ADRA1B: variants seen among roughly 807,000 people sequenced by gnomAD.
ADRA1B encodes the protein alpha-1B adrenergic receptor.
ADRA1B carries 17 observed loss-of-function variants against 17.9 expected under a neutral mutation model. That is an observed-to-expected ratio of 0.95 (90% CI 0.65 to 1.42). The LOEUF is 1.42. Among genes scored for constraint, ADRA1B ranks in the 40% most tolerant of loss-of-function variants. ADRA1B has a pLI of 0.00. For synonymous variants in ADRA1B, 366 were observed against 327.6 expected (o/e 1.12, Z -1.27); for missense variants, 681 against 722.1 (o/e 0.94, Z 0.65).
Position 159,873,378 on chromosome 5 carries a change from A to C in ADRA1B, c.-256+8172A>C, listed in dbSNP as rs143938635. Among the ~76,000 whole-genome samples, 764 of 152,300 alleles carry C rather than the reference A, an allele frequency of 5.0e-3. 13 individuals are homozygous for C. The highest frequency in any genetic ancestry group is 0.045 in the East Asian group (231 of 5,176). On this transcript the variant is annotated intron_variant, in intron 1 of 2. Transcript: ENST00000641205. ...CACTGAGTCCGCTGCTGCAAGTGCCATCAGCAGACACTCCAGCTGTCAGCA... is the reference window on the plus strand; with the variant it reads ...CACTGAGTCCGCTGCTGCAAGTGCCCTCAGCAGACACTCCAGCTGTCAGCA...
intron 1 of ADRA1B, among the ~76,000 whole-genome samples, chr5:159,927,583 T>G (rs2113188651): frequency 6.6e-6 from 1 of 152,310 alleles, no homozygotes; most frequent in South Asian, 2.1e-4. Flanking sequence ...GGGTAATATA[T>G]CACTGTTTTC....
At chr5:159,891,596 C>G (rs1309990586) in intron 1 of ADRA1B, among the ~76,000 whole-genome samples, 1 of 152,090 alleles carries the variant, frequency 6.6e-6, no homozygotes, top group Admixed American at 6.5e-5. Context: ...AGGAGCTGGA[C>G]GACTTGGAGG....
At chr5:159,898,527 T>C (rs1340550180) in intron 1 of ADRA1B, among the ~76,000 whole-genome samples, 2 of 152,248 alleles carry the variant, frequency 1.3e-5, no homozygotes, top group African/African-American at 4.8e-5. Context: ...CATTAGAGGC[T>C]GTTAGCAAAA....
intron 1 of ADRA1B, among the ~76,000 whole-genome samples, chr5:159,909,151 CA>C (rs1237653730): frequency 1.3e-5 from 2 of 152,162 alleles, no homozygotes; most frequent in African/African-American, 4.8e-5. Context: ...TGAAGATGGG[CA>C]AAGGAAACTG....
At chr5:159,900,430 T>C (rs1208024617) in intron 1 of ADRA1B, among the ~76,000 whole-genome samples, 1 of 152,266 alleles carries the variant, frequency 6.6e-6, no homozygotes, top group Non-Finnish European at 1.5e-5. Flanking sequence ...ATATAGGTCT[T>C]GTACGTTCCT....
chr5:159,938,906 G>A (rs1219658673), intron 1 of ADRA1B, among the ~76,000 whole-genome samples: 1 of 152,130 alleles, frequency 6.6e-6, no homozygotes. Flanking sequence ...ATCTAAATTT[G>A]GGGGCAGCCA....
rs568891849 is a variant in ADRA1B, at chr5:159,954,342, G to A, written c.950-17537G>A. On this transcript the variant is annotated intron_variant, in intron 1 of 1. Coordinates refer to ENST00000306675, the MANE Select transcript of ADRA1B (RefSeq NM_000679.4). Reference sequence around the variant, plus strand: ...TTGCAGACAGATGCCTTCCTGTTGTGGCCTTACATGGGATAAAGATGGGGA... The same window carrying A: ...TTGCAGACAGATGCCTTCCTGTTGTAGCCTTACATGGGATAAAGATGGGGA... 2.3e-3 allele frequency among the ~76,000 whole-genome samples: 354 copies of A among 152,232 alleles called. 3 individuals carry two copies. Among genetic ancestry groups the A allele is most frequent in the African/African-American group, 8.3e-3 (343 of 41,524 alleles).
the ADRA1B span, among the ~76,000 whole-genome samples, chr5:159,981,847 C>T: frequency 1.5e-4 from 23 of 152,274 alleles, no homozygotes; most frequent in East Asian, 5.8e-4. Context: ...CGGTGACTCA[C>T]GCCTGTAATC....
chr5:159,975,467 T>G (rs1437278673), downstream of ADRA1B, among the ~76,000 whole-genome samples: 1 of 152,154 alleles, frequency 6.6e-6, no homozygotes, highest in Non-Finnish European at 1.5e-5. Context: ...ACGAGATCAT[T>G]GTAGTATAAA....
At chr5:159,961,980 G>A (rs1755671386) in intron 1 of ADRA1B, among the ~76,000 whole-genome samples, 1 of 152,168 alleles carries the variant, frequency 6.6e-6, no homozygotes, top group Admixed American at 6.5e-5. Flanking sequence ...GGAGGCCGAG[G>A]CGAGGTTAGG....
intron 1 of ADRA1B, chr5:159,948,637 C>T (rs529254744): frequency 4.8e-5 from 10 of 207,052 alleles, no homozygotes; most frequent in Non-Finnish European, 8.5e-5. Flanking sequence ...TATGGCATAT[C>T]AAATGTACTA....
chr5:159,965,336 G>A (rs1178962454), intron 1 of ADRA1B, among the ~76,000 whole-genome samples: 1 of 152,154 alleles, frequency 6.6e-6, no homozygotes, highest in Non-Finnish European at 1.5e-5. Context: ...CAGGCTCAGG[G>A]CCAGGCTCGG....
chr5:159,954,158 C>T (rs998161602), intron 1 of ADRA1B, among the ~76,000 whole-genome samples: 4 of 152,184 alleles, frequency 2.6e-5, no homozygotes, highest in African/African-American at 9.7e-5. Context: ...TAGTTCTCCT[C>T]CATGCTTGGT....
chr5:159,930,358 G>A (rs890625019), intron 1 of ADRA1B, among the ~76,000 whole-genome samples: 32 of 152,212 alleles, frequency 2.1e-4, no homozygotes, highest in African/African-American at 6.5e-4. Flanking sequence ...GGCCGGGCGC[G>A]GTGGCTCATG....
upstream of ADRA1B, among the ~76,000 whole-genome samples, chr5:159,913,517 C>A (rs749036845): frequency 1.3e-3 from 191 of 152,232 alleles, 2 homozygotes; most frequent in Non-Finnish European, 3.4e-4. Context: ...AGTCTGAAAT[C>A]TGCAAGGATT....
At chr5:159,883,059 T>C (rs187035366) in intron 1 of ADRA1B, among the ~76,000 whole-genome samples, 259 of 152,272 alleles carry the variant, frequency 1.7e-3, no homozygotes, top group Middle Eastern at 6.8e-3. Flanking sequence ...CAGTTGCTGG[T>C]TCTAGGCTTT....
intron 1 of ADRA1B, among the ~76,000 whole-genome samples, chr5:159,893,336 A>G (rs1263651546): frequency 2.6e-4 from 5 of 18,928 alleles, no homozygotes; most frequent in Non-Finnish European, 6.8e-4. Context: ...AAGCGGGAAT[A>G]AAACAATTAA....
the ADRA1B span, among the ~76,000 whole-genome samples, chr5:159,979,185 A>G: frequency 7.4e-4 from 113 of 152,194 alleles, no homozygotes; most frequent in African/African-American, 2.6e-3. Context: ...ATTTAGAAAA[A>G]CCTTACATAC....
rs1056901449 is a variant in ADRA1B at position 159,972,461 on chromosome 5, G to C, written c.1532G>C (p.Ser511Thr). ...DVANGQPGFK[S>T]NMPLAPGQF ...GCCAACGGGCAGCCGGGCTTCAAAA[G>C]CAACATGCCCCTGGCGCCCGGGCAG... The change falls in exon 2 of 2, where the codon AGC (serine) becomes ACC (threonine). Residue 511 changes from serine (S) to threonine (T), a missense_variant. This residue lies in a region of ADRA1B where 251 missense variants were observed against 224.9 expected (regional missense o/e 1.12). Transcript: ENST00000306675. The C allele has an allele frequency of 1.9e-5, 27 of 1,437,512 alleles. No individual in the cohort carries two copies. In the African/African-American group the frequency reaches 4.0e-4, roughly 21 times the overall value. The allele number at this position is 1,437,512 out of a possible 1,614,324, so 89.0% of individuals were successfully genotyped here.
Sources: gnomAD v4.1 joint callset for allele counts (sites outside exome capture counted in the v4.1 genomes callset) on GRCh38, gnomAD v4.1.1 for gene constraint, gnomAD v4.1.1 regional missense constraint, MANE v1.5 for transcripts, NCBI Gene and HGNC (gene_info 2026-07-23, HGNC 2026-07-21) for gene names.